Variants in CPA5 observed in about 807,000 individuals in gnomAD.
CPA5 encodes testicular tissue protein Li 32.
In CPA5, 38 loss-of-function variants were observed where a neutral mutation model predicts 52.2. The ratio of observed to expected loss-of-function variants is 0.73; its 90% CI spans 0.56 to 0.95. The LOEUF (loss-of-function observed/expected upper bound fraction) is 0.95, where lower values mean the gene tolerates loss of function less well. Among genes scored for constraint, CPA5 ranks in the 40% least tolerant of loss-of-function variants. The probability of loss-of-function intolerance (pLI) is 0.00; values close to 1 mark genes in which losing one functional copy is unlikely to be tolerated. For synonymous variants in CPA5, 198 were observed against 213.7 expected, an observed-to-expected ratio of 0.93 and a Z score of 0.64; for missense variants, 519 against 566.7, an observed-to-expected ratio of 0.92 and a Z score of 0.86.
chr7:130,367,504 G>A lies in CPA5; in HGVS notation c.971G>A (p.Ser324Asn). The A allele has an allele frequency of 1.2e-6, 2 of 1,614,088 alleles. No individual in the cohort carries two copies. The highest frequency in any genetic ancestry group is 1.7e-6 in the Non-Finnish European group (2 of 1,180,018). Reference sequence around the variant, plus strand: ...TTCAAGGCTCTGATCTCCATCCACAGCTACTCTCAGATGCTTATGTACCCT... The same window carrying A: ...TTCAAGGCTCTGATCTCCATCCACAACTACTCTCAGATGCTTATGTACCCT... ...GNFKALISIH[S>N]YSQMLMYPYG... The change falls in exon 11 of 13, where the codon AGC becomes AAC. Residue 324 changes from serine to asparagine, a missense_variant. Coordinates refer to ENST00000474905, the MANE Select transcript of CPA5 (RefSeq NM_080385.5).
intron 5 of CPA5, among the ~76,000 whole-genome samples, chr7:130,355,121 T>G (rs572438138): frequency 6.6e-6 from 1 of 152,274 alleles, no homozygotes; most frequent in African/African-American, 2.4e-5. Flanking sequence ...AGTCAGGTGC[T>G]GACTGACTCC....
chr7:130,368,033 C>G, intron 12 of CPA5, 43 bp downstream of exon 12: 1 of 1,562,488 alleles, frequency 6.4e-7, no homozygotes, highest in Middle Eastern at 1.7e-4. Context: ...ACCACATCTA[C>G]CTGGGGCTGG....
chr7:130,367,139 C>G (rs782020275), intron 10 of CPA5, among the ~76,000 whole-genome samples: 3 of 151,006 alleles, frequency 2.0e-5, no homozygotes, highest in Non-Finnish European at 3.0e-5. Flanking sequence ...TTTTTTGCTT[C>G]CAGCCACACA....
downstream of CPA5, among the ~76,000 whole-genome samples, chr7:130,371,574 C>CT (rs11380714): frequency 0.049 from 7,174 of 145,598 alleles, 493 homozygotes; most frequent in African/African-American, 0.16. Flanking sequence ...TGGAGGTCTT[C>CT]TTTTTTTTTT....
In CPA5 at chr7:130,347,853, G is replaced by A. The variant is rs577972090; in HGVS notation, c.198+6G>A. 2 of 1,612,924 alleles carry A rather than the reference G, an allele frequency of 1.2e-6. No homozygotes were observed. The highest frequency in any genetic ancestry group is 2.2e-5 in the East Asian group (1 of 44,874). ...AGGGCCTGAAACCCCAGAAGGTGAG[G>A]ACTCCTCAGGCTTGAGGACAACCCC... is the stretch of plus-strand genomic sequence containing the variant. On this transcript the variant is annotated splice_donor_region_variant and intron_variant, in intron 4 of 12. Transcript: ENST00000474905.
At chr7:130,372,755 T>C (rs1245348295), downstream of CPA5, among the ~76,000 whole-genome samples, 1 of 152,194 alleles carries the variant, frequency 6.6e-6, no homozygotes, top group African/African-American at 2.4e-5. Context: ...ATTGGAGTTC[T>C]GTGGGCAAGG....
chr7:130,361,675 C>T (rs1412313300), intron 7 of CPA5, among the ~76,000 whole-genome samples: 1 of 152,200 alleles, frequency 6.6e-6, no homozygotes, highest in Non-Finnish European at 1.5e-5. Flanking sequence ...ATAGAGAAGC[C>T]TCCCAGCCCT....
chr7:130,363,958 C>T (rs782705158), intron 10 of CPA5, among the ~76,000 whole-genome samples: 1 of 152,174 alleles, frequency 6.6e-6, no homozygotes, highest in African/African-American at 2.4e-5. Flanking sequence ...AGAGCTAGGA[C>T]CTGAAATCTG....
intron 5 of CPA5, among the ~76,000 whole-genome samples, chr7:130,351,607 T>C (rs1373028394): frequency 1.3e-5 from 2 of 152,018 alleles, no homozygotes; most frequent in Admixed American, 6.5e-5. Flanking sequence ...CTGCCATACT[T>C]GAGATCATAT....
In CPA5 at chr7:130,363,453, C is replaced by T. The variant is rs1416968825; in HGVS notation, c.782C>T (p.Pro261Leu). 9 of 1,581,916 alleles carry T rather than the reference C, an allele frequency of 5.7e-6. No homozygotes were observed. The Admixed American group carries it at 1.3e-4, about 23-fold the overall frequency. The change falls in exon 10 of 13, where the codon CCT becomes CTT. Residue 261 changes from proline (P) to leucine (L), a missense_variant. Transcript: ENST00000474905. Reference sequence around the variant, plus strand: ...TGGCGGAAGAACAAGTCCATCAGACCTGGAATCTTCTGCATCGGCGTGGAT... The same window carrying T: ...TGGCGGAAGAACAAGTCCATCAGACTTGGAATCTTCTGCATCGGCGTGGAT... ...RLWRKNKSIR[P>L]GIFCIGVDLN...
chr7:130,355,656 G>A (rs1554405025), intron 5 of CPA5, among the ~76,000 whole-genome samples: 1 of 152,230 alleles, frequency 6.6e-6, no homozygotes, highest in African/African-American at 2.4e-5. Flanking sequence ...TGATCCATCT[G>A]CCTTGGCATC....
At chr7:130,346,714 T>A in intron 3 of CPA5, 113 bp downstream of exon 3, 1 of 822,210 alleles carries the variant, frequency 1.2e-6, no homozygotes, top group Non-Finnish European at 2.0e-6. Flanking sequence ...AGTCAGGATG[T>A]GGGTTCCTGT....
chr7:130,354,321 A>T (rs1795350992), intron 5 of CPA5, among the ~76,000 whole-genome samples: 1 of 151,986 alleles, frequency 6.6e-6, no homozygotes, highest in Non-Finnish European at 1.5e-5. Flanking sequence ...CCTTTTTCTC[A>T]TTGCTTATAT....
chr7:130,351,354 T>C (rs537405862), intron 5 of CPA5, among the ~76,000 whole-genome samples: 6 of 152,308 alleles, frequency 3.9e-5, no homozygotes, highest in Middle Eastern at 3.4e-3. Flanking sequence ...TCCGCAGCAT[T>C]TGGCAAACAG....
intron 4 of CPA5, among the ~76,000 whole-genome samples, chr7:130,349,055 G>T (rs1175820675): frequency 6.6e-6 from 1 of 152,148 alleles, no homozygotes; most frequent in Non-Finnish European, 1.5e-5. Flanking sequence ...TGGCCCCAAA[G>T]CGCAAGAGTA....
downstream of CPA5, among the ~76,000 whole-genome samples, chr7:130,369,393 C>G (rs1337988174): frequency 1.3e-5 from 2 of 152,210 alleles, no homozygotes; most frequent in African/African-American, 4.8e-5. Flanking sequence ...TCCCCCAGCC[C>G]CAGGCCTCCT....
rs535132830 is a variant in CPA5, at chr7:130,368,059, A to G, written c.1123+69A>G. On this transcript the variant is annotated intron_variant, in intron 12 of 12. Transcript: ENST00000474905. ...CTGGGGCTGGCTGCAGGGCAGTGCC[A>G]AGGATCTAGCTGTGCTGGCCCAAAG... The G allele has an allele frequency of 7.2e-5, 105 of 1,453,144 alleles. 1 individual carries two copies. In the African/African-American group the frequency reaches 1.3e-3, roughly 18 times the overall value. 90.0% of individuals were successfully genotyped at this position (1,453,144 alleles called of 1,614,324 possible).
rs369869777 is a variant in CPA5 at position 130,367,468 on chromosome 7, C to G, written c.935C>G (p.Ala312Gly). The change falls in exon 11 of 13, where the codon GCC (alanine) becomes GGC (glycine). Residue 312 changes from alanine (A) to glycine (G), a missense_variant. Ala to Gly is a moderately conservative substitution (Grantham distance 60, BLOSUM62 0). Transcript: ENST00000474905. ...GCTGCCATAGTGAACTTCATCACAG[C>G]CCATGGCAACTTCAAGGCTCTGATC... Reference protein sequence around the residue: ...EVAAIVNFITAHGNFKALISI... With the variant: ...EVAAIVNFITGHGNFKALISI... 3 of 1,614,014 alleles carry G rather than the reference C, an allele frequency of 1.9e-6. No homozygotes were observed. Among genetic ancestry groups the G allele is most frequent in the Non-Finnish European group, 2.5e-6 (3 of 1,180,020 alleles).
intron 5 of CPA5, among the ~76,000 whole-genome samples, chr7:130,359,108 G>C (rs1261999340): frequency 6.6e-6 from 1 of 152,176 alleles, no homozygotes; most frequent in Non-Finnish European, 1.5e-5. Context: ...TCCCCCAGGG[G>C]GGTCAGTGCA....
Sources: gnomAD v4.1 joint callset for allele counts (sites outside exome capture counted in the v4.1 genomes callset) on GRCh38, gnomAD v4.1.1 for gene constraint, MANE v1.5 for transcripts, NCBI Gene and HGNC (gene_info 2026-07-23, HGNC 2026-07-21) for gene names.